The following SSBP2 variants were observed in gnomAD, a reference collection of about 807,000 sequenced individuals.
The protein encoded by SSBP2 is single stranded DNA binding protein 2.
SSBP2 carries 17 observed loss-of-function variants against 61.8 expected under a neutral mutation model. The ratio of observed to expected loss-of-function variants is 0.28; its 90% CI spans 0.19 to 0.41. SSBP2 has a LOEUF of 0.41. Ranked by LOEUF, SSBP2 falls within the 10% of genes least tolerant of loss-of-function variation. The pLI, the probability that SSBP2 is intolerant of heterozygous loss-of-function variation, is 1.00. For synonymous variants in SSBP2, 139 were observed against 141.3 expected, an observed-to-expected ratio of 0.98 and a Z score of 0.12; for missense variants, 310 against 458.7, an observed-to-expected ratio of 0.68 and a Z score of 2.96.
At position 81,679,197 on chromosome 5, in the gene SSBP2, C is replaced by T. The variant is rs148720951; in HGVS notation, c.63-28858G>A. On this transcript the variant is annotated intron_variant, in intron 1 of 16. Transcript: ENST00000320672. The stretch of plus-strand genomic sequence containing the variant: ...CTAATTTTTGTATTTTTAGTAGAGA[C>T]GGGGTTTTGCCATGTTGGCCAGGCT... 5.4e-3 allele frequency among the ~76,000 whole-genome samples: 819 copies of T among 152,166 alleles called. 2 individuals carry two copies. Among genetic ancestry groups the T allele is most frequent in the African/African-American group, 0.016 (660 of 41,524 alleles).
chr5:81,587,086 T>G (rs1775112923), intron 4 of SSBP2, among the ~76,000 whole-genome samples: 1 of 152,202 alleles, frequency 6.6e-6, no homozygotes, highest in Non-Finnish European at 1.5e-5. Flanking sequence ...TTTTCCCCTT[T>G]GTTCTTTTTT....
intron 2 of SSBP2, among the ~76,000 whole-genome samples, chr5:81,638,526 A>C (rs888328060): frequency 2.7e-5 from 4 of 147,680 alleles, no homozygotes; most frequent in African/African-American, 1.0e-4. Flanking sequence ...CTCAGAGGGA[A>C]AAAAAAAAAA....
At chr5:81,646,542 C>T (rs1016619313) in intron 2 of SSBP2, among the ~76,000 whole-genome samples, 2 of 150,588 alleles carry the variant, frequency 1.3e-5, no homozygotes, top group African/African-American at 2.4e-5. Context: ...TCTGCCTGAT[C>T]GAAGAGAAAC....
At chr5:81,499,526 C>G (rs976078579) in intron 5 of SSBP2, among the ~76,000 whole-genome samples, 1 of 152,120 alleles carries the variant, frequency 6.6e-6, no homozygotes, top group African/African-American at 2.4e-5. Flanking sequence ...TATTCTATAA[C>G]AATTTTAAAT....
At chr5:81,743,948 T>C (rs879756676) in intron 1 of SSBP2, among the ~76,000 whole-genome samples, 4 of 152,186 alleles carry the variant, frequency 2.6e-5, no homozygotes, top group African/African-American at 9.7e-5. Context: ...AGACATCCTG[T>C]TATGTGAGAT....
intron 4 of SSBP2, among the ~76,000 whole-genome samples, chr5:81,541,421 C>G (rs950650967): frequency 6.6e-6 from 1 of 151,852 alleles, no homozygotes; most frequent in Admixed American, 6.6e-5. Context: ...ACAAACGATT[C>G]TAAAATTCAT....
intron 4 of SSBP2, chr5:81,614,960 C>T (rs1341327414): frequency 6.6e-6 from 1 of 152,496 alleles, no homozygotes; most frequent in Non-Finnish European, 1.5e-5. Flanking sequence ...TGCACAGAAT[C>T]TTCTACTCTT....
chr5:81,560,801 A>G (rs1772984752), intron 4 of SSBP2, among the ~76,000 whole-genome samples: 1 of 152,208 alleles, frequency 6.6e-6, no homozygotes, highest in African/African-American at 2.4e-5. Context: ...TAAATTGTAT[A>G]TATTTAAGGT....
chr5:81,739,010 C>T (rs1175769784), intron 1 of SSBP2, among the ~76,000 whole-genome samples: 2 of 151,310 alleles, frequency 1.3e-5, no homozygotes, highest in Admixed American at 6.6e-5. Flanking sequence ...ACTAAAAATA[C>T]AAAAATTAGC....
intron 4 of SSBP2, among the ~76,000 whole-genome samples, chr5:81,576,270 A>G (rs1774207093): frequency 6.6e-6 from 1 of 151,984 alleles, no homozygotes; most frequent in East Asian, 1.9e-4. Context: ...ATTCAAATAC[A>G]TTATGTTTTC....
chr5:81,592,157 G>A (rs1292335570), intron 4 of SSBP2, among the ~76,000 whole-genome samples: 2 of 152,208 alleles, frequency 1.3e-5, no homozygotes, highest in African/African-American at 4.8e-5. Context: ...TTTTCCAACA[G>A]GCTTAAAAAA....
intron 1 of SSBP2, among the ~76,000 whole-genome samples, chr5:81,729,905 T>C (rs1281097272): frequency 2.6e-5 from 4 of 152,244 alleles, no homozygotes; most frequent in Non-Finnish European, 5.9e-5. Context: ...TAAATAGTTA[T>C]ATAAATAGGC....
At chr5:81,462,598 T>C (rs1050641552) in intron 9 of SSBP2, among the ~76,000 whole-genome samples, 4 of 152,164 alleles carry the variant, frequency 2.6e-5, no homozygotes, top group Non-Finnish European at 5.9e-5. Flanking sequence ...AAGATGATGA[T>C]GGAGATGATG....
intron 5 of SSBP2, among the ~76,000 whole-genome samples, chr5:81,512,514 A>G (rs2154082570): frequency 6.6e-6 from 1 of 152,300 alleles, no homozygotes; most frequent in African/African-American, 2.4e-5. Context: ...TTCCTAGATT[A>G]TAAGATAGGG....
At chr5:81,706,710 G>A (rs56276867) in intron 1 of SSBP2, among the ~76,000 whole-genome samples, 7,283 of 152,192 alleles carry the variant, frequency 0.048, 603 homozygotes, top group African/African-American at 0.17. Flanking sequence ...CGAGTTCCTT[G>A]TCTACCTCTG....
chr5:81,645,051 A>G (rs2153696781), intron 2 of SSBP2, among the ~76,000 whole-genome samples: 1 of 152,336 alleles, frequency 6.6e-6, no homozygotes, highest in African/African-American at 2.4e-5. Flanking sequence ...AACACTTACT[A>G]TAGGCCAGGC....
intron 5 of SSBP2, among the ~76,000 whole-genome samples, chr5:81,508,638 T>C (rs374822384): frequency 3.3e-5 from 5 of 152,332 alleles, no homozygotes; most frequent in African/African-American, 1.2e-4. Context: ...CTTTAATTCA[T>C]TGCTATTTTT....
intron 16 of SSBP2, among the ~76,000 whole-genome samples, chr5:81,421,268 T>C (rs148451164): frequency 8.8e-4 from 134 of 152,306 alleles, no homozygotes; most frequent in African/African-American, 3.1e-3. Context: ...CTCAGCTCAC[T>C]GCAACCCTGA....
At chr5:81,570,013 A>T (rs1034610172) in intron 4 of SSBP2, among the ~76,000 whole-genome samples, 1 of 152,178 alleles carries the variant, frequency 6.6e-6, no homozygotes, top group East Asian at 1.9e-4. Flanking sequence ...TAGAACTCTG[A>T]TTTAAAAAAA....
Sources: allele counts gnomAD v4.1 joint callset (sites outside exome capture counted in the v4.1 genomes callset), GRCh38; gene constraint gnomAD v4.1.1; transcripts MANE v1.5; gene names NCBI Gene and HGNC (gene_info 2026-07-23, HGNC 2026-07-21).